KDM4C: variants seen among roughly 807,000 people sequenced by gnomAD.
KDM4C encodes the protein lysine-specific demethylase 4C.
A neutral mutation model predicts 129.3 loss-of-function variants in KDM4C; 81 were observed. The ratio of observed to expected loss-of-function variants is 0.63; its 90% confidence interval spans 0.52 to 0.75. The LOEUF (loss-of-function observed/expected upper bound fraction) is 0.75. KDM4C is among the 30% of genes least tolerant of loss of function. The probability of loss-of-function intolerance (pLI) is 0.00; values close to 1 mark genes in which losing one functional copy is unlikely to be tolerated. For missense variants in KDM4C, 1,457 were observed against 1,304.0 expected (o/e 1.12, Z -1.81); for synonymous variants, 573 against 456.1 (o/e 1.26, Z -3.26).
chr9:6,947,824 GAT>G (rs201601473), intron 8 of KDM4C, among the ~76,000 whole-genome samples: 2 of 148,010 alleles, frequency 1.4e-5, no homozygotes, highest in Non-Finnish European at 1.5e-5. Flanking sequence ...CTTGTTCCTT[GAT>G]ATTTTTTTTT....
intron 19 of KDM4C, among the ~76,000 whole-genome samples, chr9:7,150,861 A>G (rs926949970): frequency 7.2e-5 from 11 of 152,204 alleles, no homozygotes; most frequent in African/African-American, 2.7e-4. Context: ...TATTTCTAAT[A>G]TCATAAAGAT....
chr9:6,978,297 C>T (rs1271462233), intron 8 of KDM4C, among the ~76,000 whole-genome samples: 1 of 151,654 alleles, frequency 6.6e-6, no homozygotes, highest in East Asian at 2.0e-4. Context: ...ATGATGTAAT[C>T]TTTTTCACAT....
chr9:6,866,562 G>A (rs757064949), intron 5 of KDM4C, among the ~76,000 whole-genome samples: 22 of 152,058 alleles, frequency 1.4e-4, no homozygotes, highest in Non-Finnish European at 2.5e-4. Flanking sequence ...TCCTGCCATC[G>A]CTCTTTGTGT....
rs140690394 is a variant in KDM4C, at chr9:6,857,653, G to C, written c.629+7953G>C. Among the ~76,000 whole-genome samples, 1,085 of 151,930 alleles carry C rather than the reference G, an allele frequency of 7.1e-3. 9 individuals carry two copies. Among genetic ancestry groups the C allele is most frequent in the African/African-American group, 0.025 (1,048 of 41,418 alleles). The stretch of plus-strand genomic sequence containing the variant: ...TGGTAACTGGATTGTTACCGATCAA[G>C]TTTAACGTTGGTACTTTGATGATGA... On this transcript the variant is annotated intron_variant, in intron 5 of 21. Coordinates refer to ENST00000381309, the MANE Select transcript of KDM4C (RefSeq NM_015061.6).
At chr9:7,165,424 C>G (rs1844278030) in intron 20 of KDM4C, 67 bp downstream of exon 20, 9 of 1,541,764 alleles carry the variant, frequency 5.8e-6, no homozygotes, top group South Asian at 2.4e-5. Flanking sequence ...GATAGTATCT[C>G]AAGTGTGCTG....
intron 5 of KDM4C, among the ~76,000 whole-genome samples, chr9:6,857,458 A>G (rs539270457): frequency 6.6e-6 from 1 of 152,232 alleles, no homozygotes; most frequent in Non-Finnish European, 1.5e-5. Context: ...AGTGGATCAC[A>G]TACCACTCTA....
chr9:6,845,696 A>G (rs556697428), intron 4 of KDM4C, among the ~76,000 whole-genome samples: 1 of 152,232 alleles, frequency 6.6e-6, no homozygotes, highest in Non-Finnish European at 1.5e-5. Context: ...ACAGGCTCCA[A>G]CTGGGTAATT....
At chr9:6,896,231 A>G (rs1816409852) in intron 8 of KDM4C, among the ~76,000 whole-genome samples, 2 of 152,200 alleles carry the variant, frequency 1.3e-5, no homozygotes, top group Non-Finnish European at 2.9e-5. Context: ...TAACTATAAA[A>G]AAGTCATTGT....
At chr9:6,841,480 A>G (rs7846927) in intron 4 of KDM4C, among the ~76,000 whole-genome samples, 36,435 of 152,104 alleles carry the variant, frequency 0.24, 4,435 homozygotes, top group Middle Eastern at 0.28. Flanking sequence ...TTCCTCTTCT[A>G]TTATATGGAA....
At chr9:7,058,710 G>C (rs1434892915) in intron 17 of KDM4C, among the ~76,000 whole-genome samples, 1 of 152,144 alleles carries the variant, frequency 6.6e-6, no homozygotes, top group African/African-American at 2.4e-5. Flanking sequence ...CTGGATTCTT[G>C]AACATGTGCC....
At chr9:6,770,215 CA>C (rs202070043) in intron 1 of KDM4C, among the ~76,000 whole-genome samples, 2,011 of 133,756 alleles carry the variant, frequency 0.015, 31 homozygotes, top group African/African-American at 0.041. Context: ...CAAAAAACAC[CA>C]AAAAAAAAAA....
At chr9:7,087,668 G>C (rs1398476042) in intron 17 of KDM4C, among the ~76,000 whole-genome samples, 1 of 152,104 alleles carries the variant, frequency 6.6e-6, no homozygotes, top group Non-Finnish European at 1.5e-5. Context: ...AGTGGAATAG[G>C]AGTAATATAA....
intron 8 of KDM4C, among the ~76,000 whole-genome samples, chr9:6,935,368 C>T (rs977686937): frequency 3.3e-5 from 5 of 151,712 alleles, no homozygotes; most frequent in African/African-American, 7.3e-5. Context: ...TTTTTATATC[C>T]TGTTCACATA....
At chr9:6,744,670 C>T (rs571471311) in intron 1 of KDM4C, among the ~76,000 whole-genome samples, 2 of 152,320 alleles carry the variant, frequency 1.3e-5, no homozygotes, top group Admixed American at 6.5e-5. Context: ...ACTAGGATTA[C>T]AGGCATGAGC....
intron 8 of KDM4C, among the ~76,000 whole-genome samples, chr9:6,907,620 A>T (rs541136892): frequency 4.3e-4 from 66 of 152,196 alleles, no homozygotes; most frequent in Non-Finnish European, 8.5e-4. Flanking sequence ...TCAGCATTTA[A>T]AGCATTACTC....
chr9:7,089,092 A>G (rs35256800), intron 17 of KDM4C, among the ~76,000 whole-genome samples: 33,767 of 152,144 alleles, frequency 0.22, 4,012 homozygotes, highest in South Asian at 0.34. Flanking sequence ...AAAGAAAAAT[A>G]TTAGAGCTGC....
chr9:7,142,379 G>T (rs905114570), intron 19 of KDM4C, among the ~76,000 whole-genome samples: 4 of 152,128 alleles, frequency 2.6e-5, no homozygotes, highest in African/African-American at 9.7e-5. Flanking sequence ...CTCCCAAAAT[G>T]CTGGGATTAC....
chr9:7,118,681 A>G (rs1007750114), intron 18 of KDM4C, among the ~76,000 whole-genome samples: 3 of 152,212 alleles, frequency 2.0e-5, no homozygotes, highest in African/African-American at 7.2e-5. Context: ...TTTGGCCTGT[A>G]CGTCGGCTAA....
intron 17 of KDM4C, among the ~76,000 whole-genome samples, chr9:7,092,864 C>G (rs994582768): frequency 6.6e-6 from 1 of 151,974 alleles, no homozygotes; most frequent in Non-Finnish European, 1.5e-5. Context: ...TTGAAGAGAT[C>G]TCACAGAAAT....
Sources: allele counts gnomAD v4.1 joint callset (sites outside exome capture counted in the v4.1 genomes callset), GRCh38; gene constraint gnomAD v4.1.1; transcripts MANE v1.5; gene names NCBI Gene and HGNC (gene_info 2026-07-23, HGNC 2026-07-21).